OXR1: variants seen among roughly 807,000 people sequenced by gnomAD.
OXR1 encodes oxidation resistance 1.
OXR1 carries 41 observed loss-of-function variants against 104.6 expected under a neutral mutation model. The observed-to-expected ratio is 0.39, with a 90% CI of 0.31 to 0.51. The LOEUF (loss-of-function observed/expected upper bound fraction) is 0.51, where lower values mean the gene tolerates loss of function less well. Ranked by LOEUF, OXR1 falls within the 20% of genes least tolerant of loss-of-function variation. The probability of loss-of-function intolerance (pLI) is 0.77; values close to 1 mark genes in which losing one functional copy is unlikely to be tolerated. For missense variants in OXR1, 955 were observed against 1,031.9 expected, an observed-to-expected ratio of 0.93 and a Z score of 1.02; for synonymous variants, 348 against 348.4, an observed-to-expected ratio of 1.00 and a Z score of 0.01.
intron 3 of OXR1, among the ~76,000 whole-genome samples, chr8:106,554,242 T>C (rs1422852809): frequency 6.6e-6 from 1 of 152,192 alleles, no homozygotes; most frequent in African/African-American, 2.4e-5. Context: ...GCAGTATCCT[T>C]CTCAAAAGTG....
At chr8:106,351,422 G>A (rs1268562618) in intron 1 of OXR1, among the ~76,000 whole-genome samples, 3 of 152,220 alleles carry the variant, frequency 2.0e-5, no homozygotes, top group African/African-American at 4.8e-5. Context: ...AAGAAATGAT[G>A]TGCATGTTGA....
intron 3 of OXR1, among the ~76,000 whole-genome samples, chr8:106,666,426 A>G (rs1198268028): frequency 6.6e-6 from 1 of 152,226 alleles, no homozygotes; most frequent in Non-Finnish European, 1.5e-5. Flanking sequence ...TCTATCTAAT[A>G]TGGTAGCAAC....
chr8:106,314,089 C>T (rs1267364416), intron 1 of OXR1, among the ~76,000 whole-genome samples: 2 of 152,170 alleles, frequency 1.3e-5, no homozygotes, highest in African/African-American at 4.8e-5. Context: ...GTTAAACAGA[C>T]TTCCTTACTG....
chr8:106,353,309 A>G (rs989398129), intron 1 of OXR1, among the ~76,000 whole-genome samples: 1 of 152,064 alleles, frequency 6.6e-6, no homozygotes, highest in African/African-American at 2.4e-5. Context: ...AGATCACGCC[A>G]CTGTACTCCA....
chr8:106,324,570 C>T (rs1305972397), intron 1 of OXR1, among the ~76,000 whole-genome samples: 2 of 151,176 alleles, frequency 1.3e-5, no homozygotes, highest in Non-Finnish European at 2.9e-5. Flanking sequence ...CTTTAGAACT[C>T]TCTGGCAATA....
At chr8:106,409,546 A>G (rs1420451719) in intron 2 of OXR1, among the ~76,000 whole-genome samples, 1 of 152,216 alleles carries the variant, frequency 6.6e-6, no homozygotes, top group African/African-American at 2.4e-5. Flanking sequence ...CACAAAGCCA[A>G]TGAAATTGTA....
At chr8:106,663,882 G>T (rs1034972435) in intron 3 of OXR1, among the ~76,000 whole-genome samples, 1 of 152,158 alleles carries the variant, frequency 6.6e-6, no homozygotes, top group Non-Finnish European at 1.5e-5. Context: ...TGCCGTAAAG[G>T]TTGGGGACCA....
At chr8:106,311,127 T>C (rs2130131830) in intron 1 of OXR1, among the ~76,000 whole-genome samples, 1 of 152,240 alleles carries the variant, frequency 6.6e-6, no homozygotes, top group African/African-American at 2.4e-5. Context: ...ATTATTTTTC[T>C]ACTTTGTGAG....
intron 3 of OXR1, among the ~76,000 whole-genome samples, chr8:106,649,416 T>C (rs1380819508): frequency 6.6e-6 from 1 of 152,106 alleles, no homozygotes; most frequent in Non-Finnish European, 1.5e-5. Flanking sequence ...TAGCCTTCTG[T>C]ACTATAGTTT....
intron 3 of OXR1, among the ~76,000 whole-genome samples, chr8:106,561,903 A>G (rs536837491): frequency 6.6e-6 from 1 of 152,344 alleles, no homozygotes; most frequent in Admixed American, 6.5e-5. Context: ...AAGGGAAACT[A>G]ACAAACAAAA....
chr8:106,298,112 T>G (rs1475531673), intron 1 of OXR1, among the ~76,000 whole-genome samples: 1 of 152,214 alleles, frequency 6.6e-6, no homozygotes, highest in Non-Finnish European at 1.5e-5. Context: ...TCAGATATGC[T>G]TCTGCTTATT....
chr8:106,508,049 C>T (rs1322748606), intron 2 of OXR1, among the ~76,000 whole-genome samples: 1 of 152,168 alleles, frequency 6.6e-6, no homozygotes, highest in Non-Finnish European at 1.5e-5. Context: ...GGCAATCTCA[C>T]CAGGACACTG....
chr8:106,442,316 C>T (rs1315928657), intron 2 of OXR1, among the ~76,000 whole-genome samples: 1 of 152,114 alleles, frequency 6.6e-6, no homozygotes, highest in Non-Finnish European at 1.5e-5. Context: ...ATTCAGTTTG[C>T]CAGTATTTTA....
At chr8:106,394,286 A>G (rs530026014) in intron 2 of OXR1, among the ~76,000 whole-genome samples, 1 of 151,692 alleles carries the variant, frequency 6.6e-6, no homozygotes, top group East Asian at 1.9e-4. Flanking sequence ...TAGATATGCT[A>G]TACAACTGTT....
At chr8:106,575,408 T>C (rs1032548338) in intron 3 of OXR1, among the ~76,000 whole-genome samples, 1 of 152,100 alleles carries the variant, frequency 6.6e-6, no homozygotes, top group African/African-American at 2.4e-5. Context: ...TTAAATAAAT[T>C]TGACTCAGTT....
chr8:106,294,665 G>A (rs1812915710), intron 1 of OXR1, among the ~76,000 whole-genome samples: 1 of 151,986 alleles, frequency 6.6e-6, no homozygotes, highest in Non-Finnish European at 1.5e-5. Flanking sequence ...AATGTCATGG[G>A]AACTCACTAT....
intron 1 of OXR1, among the ~76,000 whole-genome samples, chr8:106,294,066 C>T (rs1363365061): frequency 7.1e-6 from 1 of 140,558 alleles, no homozygotes; most frequent in Non-Finnish European, 1.5e-5. Flanking sequence ...GAAGTAGGGT[C>T]ACAGGGTATA....
chr8:106,548,958 A>C (rs1004618350), intron 3 of OXR1, among the ~76,000 whole-genome samples: 18 of 152,204 alleles, frequency 1.2e-4, no homozygotes, highest in African/African-American at 4.1e-4. Context: ...TTTCACTGAA[A>C]TTGATCACAA....
chr8:106,355,274 T>A (rs1187162567), intron 1 of OXR1, among the ~76,000 whole-genome samples: 1 of 152,180 alleles, frequency 6.6e-6, no homozygotes. Context: ...TATGTAAGTG[T>A]GGAGAATGAT....
Sources: gnomAD v4.1 joint callset for allele counts (sites outside exome capture counted in the v4.1 genomes callset) on GRCh38, gnomAD v4.1.1 for gene constraint, MANE v1.5 for transcripts, NCBI Gene and HGNC (gene_info 2026-07-23, HGNC 2026-07-21) for gene names.